The following USP22 variants were observed in gnomAD, a reference collection of about 807,000 sequenced individuals.
The protein encoded by USP22 is ubiquitin specific peptidase 22.
Under a neutral mutation model 68.1 loss-of-function variants are expected in USP22, and 22 were observed. The ratio of observed to expected loss-of-function variants is 0.32; its 90% CI spans 0.23 to 0.46. The LOEUF (loss-of-function observed/expected upper bound fraction) is 0.46. USP22 is among the 20% of genes least tolerant of loss of function. USP22 has a pLI of 1.00. For synonymous variants in USP22, 279 were observed against 274.2 expected, an observed-to-expected ratio of 1.02 and a Z score of -0.17; for missense variants, 433 against 695.8, an observed-to-expected ratio of 0.62 and a Z score of 4.25.
chr17:21,006,278 AACTATGTCTGCCTGTACT>A (rs1263406538), intron 10 of USP22, among the ~76,000 whole-genome samples: 1 of 152,242 alleles, frequency 6.6e-6, no homozygotes, highest in Non-Finnish European at 1.5e-5. Flanking sequence ...CTGCAAAACC[AACTATGTCTGCCTGTACT>A]TCAACATCTG....
intron 2 of USP22, among the ~76,000 whole-genome samples, chr17:21,027,850 A>G (rs959602831): frequency 5.9e-5 from 9 of 152,088 alleles, no homozygotes; most frequent in African/African-American, 1.9e-4. Context: ...GGCACCTGTA[A>G]TCTGTTACAT....
chr17:21,021,307 T>C (rs899342), intron 2 of USP22, 81 bp from the exon 3 acceptor site: 708,255 of 915,368 alleles, frequency 0.77, 277,421 homozygotes, highest in South Asian at 0.84. Flanking sequence ...TTAAACACAG[T>C]GAGGTTCTGT....
In USP22 at chr17:21,021,176, T is replaced by TGTA. The variant is rs750024646; in HGVS notation, c.352_354dup (p.Tyr118dup). The TGTA allele has an allele frequency of 1.2e-6, 2 of 1,614,204 alleles. No homozygotes were observed. The highest frequency in any genetic ancestry group is 8.5e-7 in the Non-Finnish European group (1 of 1,180,020). ...ATTATTTCCATGTCTTTGTCATAGA[T>TGTA]GTAGTCCTGGCACAGAAAACAGTAG... On this transcript the variant is annotated inframe_insertion, in exon 3 of 13. Coordinates refer to ENST00000261497, the MANE Select transcript of USP22 (RefSeq NM_015276.2).
At chr17:21,035,698 C>T (rs1468780816) in intron 1 of USP22, among the ~76,000 whole-genome samples, 1 of 152,084 alleles carries the variant, frequency 6.6e-6, no homozygotes, top group East Asian at 1.9e-4. Context: ...AAACGACTTA[C>T]CAGTATAGCC....
intron 1 of USP22, among the ~76,000 whole-genome samples, chr17:21,031,231 A>G (rs887812591): frequency 1.3e-5 from 2 of 152,262 alleles, no homozygotes; most frequent in African/African-American, 2.4e-5. Context: ...GGACTTTTGT[A>G]GCATTATTAC....
Position 21,000,277 on chromosome 17 carries a change from G to A in USP22, c.*2754C>T, listed in dbSNP as rs917023704. 5.9e-5 allele frequency: 9 copies of A among 152,196 alleles called. No individual in the cohort carries two copies. Among genetic ancestry groups the A allele is most frequent in the African/African-American group, 1.2e-4 (5 of 41,436 alleles). The allele number at this position is 152,196 out of a possible 1,614,324, so 9.4% of individuals were successfully genotyped here. A position where few individuals can be genotyped will look rare whatever the true frequency, so the allele number is the denominator to read the frequency against. ...GCTAAAAGAAATTCCTGAACCCAAC[G>A]CGTAAATATTTTGTTCTGACAAAGT... On this transcript the variant is annotated 3_prime_UTR_variant, in exon 13 of 13. Coordinates refer to ENST00000261497, the MANE Select transcript of USP22 (RefSeq NM_015276.2).
intron 2 of USP22, among the ~76,000 whole-genome samples, chr17:21,028,104 CTG>C (rs1263934181): frequency 6.6e-6 from 1 of 152,212 alleles, no homozygotes; most frequent in Non-Finnish European, 1.5e-5. Flanking sequence ...TTTTCAAGAA[CTG>C]TGTGACTGGA....
chr17:21,038,214 G>A (rs547673693), intron 1 of USP22, among the ~76,000 whole-genome samples: 2 of 152,032 alleles, frequency 1.3e-5, no homozygotes, highest in Middle Eastern at 3.4e-3. Context: ...GGGCAACATA[G>A]GGAGACTCAG....
chr17:21,042,826 G>C lies in USP22; in HGVS notation c.10C>G (p.Arg4Gly), dbSNP rs767966857. MVS[R>G]PEPEGEAMDA... ...ATGGCCTCGCCCTCGGGCTCTGGCC[G>C]GGACACCATGGGGGGCAAGGCCCGG... The change falls in exon 1 of 13, where the codon CGG (arginine) becomes GGG (glycine). Residue 4 changes from arginine to glycine, a missense_variant. Around this residue, in one of 4 missense-constraint regions of USP22, gnomAD observed 110 missense variants for 89.9 expected, o/e 1.22. Coordinates refer to ENST00000261497, the MANE Select transcript of USP22 (RefSeq NM_015276.2). 7 of 1,386,216 alleles carry C rather than the reference G, an allele frequency of 5.0e-6. No individual in the cohort carries two copies. The South Asian group carries it at 6.3e-5, about 12-fold the overall frequency. 85.9% of individuals were successfully genotyped at this position (1,386,216 alleles called of 1,614,324 possible).
chr17:21,007,817 C>A lies in USP22; in HGVS notation c.1230+53G>T, dbSNP rs995552318. On this transcript the variant is annotated intron_variant, in intron 9 of 12. Transcript: ENST00000261497. ...GCAAACCAAAAGGCTGAGGACCGTA[C>A]TGTGGACTAAAAACTAAGTCTGCCA... The A allele has an allele frequency of 3.1e-6, 5 of 1,611,816 alleles. No individual in the cohort carries two copies. The African/African-American group carries it at 5.3e-5, about 17-fold the overall frequency.
chr17:21,017,197 C>A (rs557304648), intron 5 of USP22, among the ~76,000 whole-genome samples: 2 of 152,228 alleles, frequency 1.3e-5, no homozygotes, highest in Admixed American at 6.5e-5. Flanking sequence ...ACAAAAGCGA[C>A]CAGTGACCAG....
intron 8 of USP22, 106 bp downstream of exon 8, chr17:21,011,045 C>T: frequency 7.0e-7 from 1 of 1,433,850 alleles, no homozygotes. Flanking sequence ...TGCACCTTTG[C>T]CCAGGCTCTG....
At chr17:21,012,712 C>A in intron 7 of USP22, 118 bp downstream of exon 7, 2 of 926,058 alleles carry the variant, frequency 2.2e-6, no homozygotes, top group South Asian at 1.6e-5. Flanking sequence ...GTCTATTAAT[C>A]ATTTATCTCA....
intron 1 of USP22, among the ~76,000 whole-genome samples, chr17:21,032,834 G>C (rs1972306528): frequency 6.9e-6 from 1 of 145,264 alleles, no homozygotes; most frequent in Admixed American, 7.1e-5. Context: ...AGTTACTCAG[G>C]ATGGTTTGAG....
Position 21,026,930 on chromosome 17 carries a change from T to A in USP22, c.304+1612A>T, listed in dbSNP as rs531295850. Among the ~76,000 whole-genome samples, 10 of 151,816 alleles carry A rather than the reference T, an allele frequency of 6.6e-5. No individual in the cohort carries two copies. In the East Asian group the frequency reaches 1.4e-3, roughly 21 times the overall value. ...GATTCTCCTGCCTCAGCTTCCCGAG[T>A]AGCTGGGACTGCAGGCGTGCGCCAC... On this transcript the variant is annotated intron_variant, in intron 2 of 12. Transcript: ENST00000261497.
At chr17:21,034,175 C>A (rs1439518249) in intron 1 of USP22, among the ~76,000 whole-genome samples, 2 of 152,106 alleles carry the variant, frequency 1.3e-5, no homozygotes, top group East Asian at 3.9e-4. Flanking sequence ...AGACTCAGGC[C>A]CCTCAATCTC....
At chr17:21,035,757 G>A (rs562796069) in intron 1 of USP22, among the ~76,000 whole-genome samples, 41 of 152,152 alleles carry the variant, frequency 2.7e-4, no homozygotes, top group African/African-American at 8.4e-4. Context: ...TCGGCTGGGC[G>A]CGGTGGCTCA....
At position 21,011,177 on chromosome 17, in the gene USP22, G is replaced by T; in HGVS notation, c.1077C>A (p.Thr359=). 1 of 1,608,284 alleles carries T rather than the reference G, an allele frequency of 6.2e-7. No individual in the cohort carries two copies. The highest frequency in any genetic ancestry group is 1.1e-5 in the South Asian group (1 of 90,236). ...VVNGESHVSG[T]TTLTDCLRRF... is the part of the protein sequence containing the mutation. The stretch of plus-strand genomic sequence containing the variant: ...GTCGCAGGCAGTCCGTGAGCGTGGT[G>T]GTTCCCGACACGTGGCTTTCCCCGT... The change falls in exon 8 of 13, where the codon ACC becomes ACA. Residue 359 remains threonine (T), a synonymous_variant. Transcript: ENST00000261497.
intron 4 of USP22, among the ~76,000 whole-genome samples, chr17:21,018,691 CTG>C (rs1437889118): frequency 1.4e-5 from 2 of 139,190 alleles, no homozygotes; most frequent in Non-Finnish European, 3.1e-5. Context: ...GAGCAAGACT[CTG>C]TCTCAAAAAA....
Sources: gnomAD v4.1 joint callset for allele counts (sites outside exome capture counted in the v4.1 genomes callset) on GRCh38, gnomAD v4.1.1 for gene constraint, gnomAD v4.1.1 regional missense constraint, MANE v1.5 for transcripts, NCBI Gene and HGNC (gene_info 2026-07-23, HGNC 2026-07-21) for gene names.